FRMD6: variants seen among roughly 807,000 people sequenced by gnomAD.
FRMD6 encodes the protein FERM domain containing 6.
In FRMD6, 37 loss-of-function variants were observed where a neutral mutation model predicts 73.2. That is an observed-to-expected ratio of 0.51 (90% CI 0.39 to 0.66). The LOEUF is 0.66. FRMD6 is among the 30% of genes least tolerant of loss of function. The pLI, the probability that FRMD6 is intolerant of heterozygous loss-of-function variation, is 0.00. For missense variants in FRMD6, 714 were observed against 780.5 expected (o/e 0.91, Z 1.02); for synonymous variants, 273 against 282.2 (o/e 0.97, Z 0.33).
chr14:51,624,886 C>G (rs754376628), intron 2 of FRMD6, among the ~76,000 whole-genome samples: 2 of 152,144 alleles, frequency 1.3e-5, no homozygotes, highest in Non-Finnish European at 2.9e-5. Context: ...TTAAAACTCA[C>G]TAAAATAACT....
chr14:51,462,161 T>C, the FRMD6 span, among the ~76,000 whole-genome samples: 1 of 152,122 alleles, frequency 6.6e-6, no homozygotes, highest in Admixed American at 6.5e-5. Flanking sequence ...TCCTGTGAGA[T>C]GTTGGAGAAG....
the FRMD6 span, among the ~76,000 whole-genome samples, chr14:51,448,009 C>T: frequency 2.0e-5 from 3 of 152,184 alleles, no homozygotes; most frequent in Non-Finnish European, 2.9e-5. Flanking sequence ...GTTCTAATTG[C>T]TATTCCTTTG....
intron 1 of FRMD6, among the ~76,000 whole-genome samples, chr14:51,532,009 A>G (rs1885610206): frequency 6.6e-6 from 1 of 152,202 alleles, no homozygotes; most frequent in Non-Finnish European, 1.5e-5. Flanking sequence ...GTTGTTAAAC[A>G]TTTACCACCA....
At chr14:51,704,389 A>G (rs566974682) in intron 5 of FRMD6, among the ~76,000 whole-genome samples, 2 of 152,280 alleles carry the variant, frequency 1.3e-5, no homozygotes, top group Non-Finnish European at 2.9e-5. Flanking sequence ...CATTGTAGCA[A>G]CATTAGTACA....
the FRMD6 span, among the ~76,000 whole-genome samples, chr14:51,483,044 C>T: frequency 6.6e-6 from 1 of 152,100 alleles, no homozygotes; most frequent in Non-Finnish European, 1.5e-5. Flanking sequence ...TGTCCTGTTC[C>T]AGTTCTTAAA....
the FRMD6 span, among the ~76,000 whole-genome samples, chr14:51,400,541 T>C: frequency 6.6e-6 from 1 of 152,208 alleles, no homozygotes; most frequent in Non-Finnish European, 1.5e-5. Context: ...CTTTATCCAG[T>C]CTTTCTAAAA....
intron 12 of FRMD6, chr14:51,723,957 A>G (rs567957607): frequency 6.6e-6 from 1 of 152,298 alleles, no homozygotes; most frequent in South Asian, 2.1e-4. Context: ...TGTGTATTTT[A>G]AAAACGTAAA....
At chr14:51,448,893 G>T in the FRMD6 span, among the ~76,000 whole-genome samples, 1 of 151,328 alleles carries the variant, frequency 6.6e-6, no homozygotes, top group South Asian at 2.1e-4. Context: ...ATGAAGGAAG[G>T]TTACCACCAA....
At chr14:51,640,626 T>G (rs1206266884) in intron 2 of FRMD6, among the ~76,000 whole-genome samples, 1 of 152,252 alleles carries the variant, frequency 6.6e-6, no homozygotes, top group East Asian at 1.9e-4. Context: ...TTGAGTATAT[T>G]TGAATTCATA....
chr14:51,504,407 G>A (rs116053364), intron 1 of FRMD6, among the ~76,000 whole-genome samples: 8,225 of 152,304 alleles, frequency 0.054, 744 homozygotes, highest in African/African-American at 0.19. Flanking sequence ...CAGGAGAAAC[G>A]GGGTCAGGCA....
chr14:51,576,922 T>C lies in FRMD6; in HGVS notation c.-147+6512T>C, dbSNP rs183367800. ...CTCTCCTGTCTGATCCAATGGGTTGTAAGAATCAGATGAAATAACAGAGGG... is the reference window on the plus strand; with the variant it reads ...CTCTCCTGTCTGATCCAATGGGTTGCAAGAATCAGATGAAATAACAGAGGG... On this transcript the variant is annotated intron_variant, in intron 2 of 14. Transcript: ENST00000356218. 1.3e-3 allele frequency among the ~76,000 whole-genome samples: 191 copies of C among 152,326 alleles called. 1 individual carries two copies. The highest frequency in any genetic ancestry group is 4.5e-3 in the African/African-American group (188 of 41,576).
At chr14:51,451,525 C>T in the FRMD6 span, among the ~76,000 whole-genome samples, 3 of 152,148 alleles carry the variant, frequency 2.0e-5, no homozygotes, top group Non-Finnish European at 2.9e-5. Context: ...AGACATGTGC[C>T]ACCATGCCTG....
the FRMD6 span, among the ~76,000 whole-genome samples, chr14:51,469,405 A>G: frequency 6.6e-6 from 1 of 150,474 alleles, no homozygotes; most frequent in Non-Finnish European, 1.5e-5. Flanking sequence ...CGAGGTCAGC[A>G]GATCGAGACA....
At chr14:51,414,475 G>A in the FRMD6 span, among the ~76,000 whole-genome samples, 1 of 152,128 alleles carries the variant, frequency 6.6e-6, no homozygotes, top group Non-Finnish European at 1.5e-5. Context: ...GATGTGTGGT[G>A]TTATTTCTGA....
In FRMD6 at chr14:51,594,901, T is replaced by C. The variant is rs117555348; in HGVS notation, c.-147+24491T>C. On this transcript the variant is annotated intron_variant, in intron 2 of 14. Transcript: ENST00000356218. ...CCAGAATTGTTAAGCAAGAGCAAAA[T>C]TGGCTGCTTTGGATATTCGTTCCTT... Among the ~76,000 whole-genome samples, 1,417 of 152,320 alleles carry C rather than the reference T, an allele frequency of 9.3e-3. 11 individuals carry two copies. The highest frequency in any genetic ancestry group is 0.024 in the Middle Eastern group (7 of 294).
the FRMD6 span, among the ~76,000 whole-genome samples, chr14:51,482,024 C>T: frequency 5.9e-5 from 9 of 152,178 alleles, no homozygotes; most frequent in East Asian, 1.9e-4. Context: ...GAAACCTCAG[C>T]GCTTATTGTT....
At chr14:51,694,961 A>G (rs1019347105) in intron 2 of FRMD6, among the ~76,000 whole-genome samples, 13 of 152,010 alleles carry the variant, frequency 8.6e-5, no homozygotes, top group African/African-American at 3.2e-4. Context: ...CTTACTTGAT[A>G]TTTGTTAAAG....
chr14:51,679,112 T>C (rs1430994590), intron 1 of FRMD6, among the ~76,000 whole-genome samples: 3 of 152,004 alleles, frequency 2.0e-5, no homozygotes, highest in East Asian at 1.9e-4. Context: ...TGATCAGATA[T>C]GCAATTTAAG....
chr14:51,496,903 C>T (rs1883324917), intron 1 of FRMD6, among the ~76,000 whole-genome samples: 1 of 152,170 alleles, frequency 6.6e-6, no homozygotes, highest in Admixed American at 6.5e-5. Flanking sequence ...CATAAAATTT[C>T]TCACATGTAA....
Sources: gnomAD v4.1 joint callset for allele counts (sites outside exome capture counted in the v4.1 genomes callset) on GRCh38, gnomAD v4.1.1 for gene constraint, MANE v1.5 for transcripts, NCBI Gene and HGNC (gene_info 2026-07-23, HGNC 2026-07-21) for gene names.